Variants in SORCS3 observed in about 807,000 individuals in gnomAD.
The protein encoded by SORCS3 is VPS10 domain-containing receptor SorCS3.
SORCS3 carries 57 observed loss-of-function variants against 146.3 expected under a neutral mutation model. The observed-to-expected ratio is 0.39, with a 90% CI of 0.31 to 0.49. The LOEUF is 0.49. Among genes scored for constraint, SORCS3 ranks in the 20% least tolerant of loss-of-function variants. The probability of loss-of-function intolerance (pLI) is 0.92; values close to 1 mark genes in which losing one functional copy is unlikely to be tolerated. For missense variants in SORCS3, 1,341 were observed against 1,575.5 expected (o/e 0.85, Z 2.52); for synonymous variants, 653 against 618.5 (o/e 1.06, Z -0.83).
At chr10:104,653,227 ACT>A (rs2015584810) in intron 1 of SORCS3, among the ~76,000 whole-genome samples, 1 of 151,906 alleles carries the variant, frequency 6.6e-6, no homozygotes, top group Admixed American at 6.6e-5. Flanking sequence ...CTTACAGAGA[ACT>A]CTGTTTTACC....
rs545516344 is a variant in SORCS3, at chr10:104,869,736, C to T, written c.695+26877C>T. On this transcript the variant is annotated intron_variant, in intron 2 of 26. Transcript: ENST00000369701. ...GTTGGAATATCAGGATGCGTAATTA[C>T]TACACATATTATGTAGTCCTGATTA... 5.9e-5 allele frequency among the ~76,000 whole-genome samples: 9 copies of T among 152,214 alleles called. No individual in the cohort carries two copies. The East Asian group carries it at 1.7e-3, about 29-fold the overall frequency.
intron 3 of SORCS3, among the ~76,000 whole-genome samples, chr10:104,953,440 C>T (rs2019454612): frequency 6.6e-6 from 1 of 152,130 alleles, no homozygotes. Flanking sequence ...AATTGGAGTG[C>T]TTGTTAAAAG....
intron 1 of SORCS3, among the ~76,000 whole-genome samples, chr10:104,783,315 C>G (rs2017395915): frequency 6.6e-6 from 1 of 152,190 alleles, no homozygotes; most frequent in South Asian, 2.1e-4. Context: ...GGCCAGCTCT[C>G]ACAGGAGAAA....
chr10:105,005,503 A>G (rs531624793), intron 4 of SORCS3, among the ~76,000 whole-genome samples: 18 of 151,524 alleles, frequency 1.2e-4, no homozygotes, highest in African/African-American at 4.4e-4. Flanking sequence ...TTGGAGGATG[A>G]GTAGTTGCTA....
At chr10:105,160,095 C>G (rs901630556) in intron 11 of SORCS3, among the ~76,000 whole-genome samples, 1 of 152,144 alleles carries the variant, frequency 6.6e-6, no homozygotes, top group Non-Finnish European at 1.5e-5. Context: ...TTTTCCAACT[C>G]AAGGGCTGCG....
chr10:105,177,321 A>C (rs2056412584), intron 13 of SORCS3, among the ~76,000 whole-genome samples: 1 of 152,212 alleles, frequency 6.6e-6, no homozygotes, highest in East Asian at 1.9e-4. Flanking sequence ...GATGCTGAGA[A>C]AAGCTTCTCA....
intron 18 of SORCS3, among the ~76,000 whole-genome samples, chr10:105,215,844 C>A (rs978972749): frequency 1.3e-5 from 2 of 152,092 alleles, no homozygotes; most frequent in African/African-American, 4.8e-5. Context: ...CTCATAATTC[C>A]AAAATGATGT....
chr10:104,916,272 A>G (rs1341905424), intron 3 of SORCS3, among the ~76,000 whole-genome samples: 1 of 152,218 alleles, frequency 6.6e-6, no homozygotes, highest in Non-Finnish European at 1.5e-5. Context: ...CCTGAATCAG[A>G]TGGTGGTAAG....
intron 8 of SORCS3, among the ~76,000 whole-genome samples, chr10:105,141,231 G>A (rs942891537): frequency 7.2e-5 from 11 of 152,066 alleles, no homozygotes; most frequent in South Asian, 2.1e-4. Context: ...TAGCAACCCC[G>A]AGGCAATTTA....
At chr10:105,113,926 C>T (rs1199887020) in intron 7 of SORCS3, among the ~76,000 whole-genome samples, 1 of 152,102 alleles carries the variant, frequency 6.6e-6, no homozygotes, top group Admixed American at 6.5e-5. Flanking sequence ...TCTGTAGGGG[C>T]AGGGGAAAGC....
chr10:105,111,676 G>A (rs924631919), intron 7 of SORCS3, among the ~76,000 whole-genome samples: 10 of 152,124 alleles, frequency 6.6e-5, no homozygotes, highest in African/African-American at 2.4e-4. Flanking sequence ...TCATTTAAAT[G>A]TATTAAAATA....
chr10:105,049,442 A>T (rs1019303386), intron 5 of SORCS3, among the ~76,000 whole-genome samples: 4 of 151,814 alleles, frequency 2.6e-5, no homozygotes, highest in African/African-American at 7.3e-5. Context: ...AAAACAATCT[A>T]CCCTCTCTCC....
chr10:105,183,591 C>T (rs1012577093), intron 14 of SORCS3, among the ~76,000 whole-genome samples: 2 of 152,168 alleles, frequency 1.3e-5, no homozygotes, highest in Non-Finnish European at 2.9e-5. Context: ...GCTGGAAGAG[C>T]CTGATTTTAC....
At chr10:104,865,950 C>T (rs1404111470) in intron 2 of SORCS3, among the ~76,000 whole-genome samples, 1 of 152,132 alleles carries the variant, frequency 6.6e-6, no homozygotes, top group East Asian at 1.9e-4. Context: ...ATGTAGGGGT[C>T]AGAGAATAGT....
At chr10:104,710,786 A>G (rs2016406202) in intron 1 of SORCS3, among the ~76,000 whole-genome samples, 1 of 151,484 alleles carries the variant, frequency 6.6e-6, no homozygotes, top group South Asian at 2.1e-4. Flanking sequence ...TGCTTATTTC[A>G]TCTGAGTTCC....
intron 11 of SORCS3, among the ~76,000 whole-genome samples, chr10:105,164,049 G>A (rs1011395083): frequency 6.6e-6 from 1 of 152,124 alleles, no homozygotes; most frequent in South Asian, 2.1e-4. Flanking sequence ...AATAATTCAA[G>A]AGACCTGGAC....
Position 105,265,128 on chromosome 10 carries a change from A to G in SORCS3, c.*1754A>G, listed in dbSNP as rs1055411195. ...CATGACTCATATCTATATATACAGT[A>G]TATGTACATATACTGTTCTTGGTTT... On this transcript the variant is annotated 3_prime_UTR_variant, in exon 27 of 27. Coordinates refer to ENST00000369701, the MANE Select transcript of SORCS3 (RefSeq NM_014978.3). 3.3e-5 allele frequency: 5 copies of G among 152,620 alleles called. No homozygotes were observed. The highest frequency in any genetic ancestry group is 7.2e-5 in the African/African-American group (3 of 41,444). The allele number at this position is 152,620 out of a possible 1,614,324, so 9.5% of individuals were successfully genotyped here.
intron 2 of SORCS3, among the ~76,000 whole-genome samples, chr10:104,904,781 G>T (rs1364151196): frequency 8.1e-6 from 1 of 123,662 alleles, no homozygotes. Context: ...GCTATCTTGT[G>T]CGTTATTATT....
At chr10:104,725,407 A>G (rs994474623) in intron 1 of SORCS3, among the ~76,000 whole-genome samples, 3 of 152,216 alleles carry the variant, frequency 2.0e-5, no homozygotes, top group Non-Finnish European at 2.9e-5. Context: ...CCTCCCAGTT[A>G]GGCTACTCGG....
Sources: gnomAD v4.1 joint callset for allele counts (sites outside exome capture counted in the v4.1 genomes callset) on GRCh38, gnomAD v4.1.1 for gene constraint, MANE v1.5 for transcripts, NCBI Gene and HGNC (gene_info 2026-07-23, HGNC 2026-07-21) for gene names.